Variants in SNTG1 observed in about 807,000 individuals in gnomAD.
The protein encoded by SNTG1 is gamma-1-syntrophin.
In SNTG1, 39 loss-of-function variants were observed where a neutral mutation model predicts 74.7. That is an observed-to-expected ratio of 0.52 (90% confidence interval 0.40 to 0.68). The LOEUF is 0.68. Ranked by LOEUF, SNTG1 falls within the 30% of genes least tolerant of loss-of-function variation. The pLI, the probability that SNTG1 is intolerant of heterozygous loss-of-function variation, is 0.00. For missense variants in SNTG1, 685 were observed against 609.5 expected (o/e 1.12, Z -1.30); for synonymous variants, 254 against 217.1 (o/e 1.17, Z -1.49).
At chr8:50,561,766 AT>A (rs1366656658) in intron 12 of SNTG1, among the ~76,000 whole-genome samples, 61 of 152,330 alleles carry the variant, frequency 4.0e-4, no homozygotes, top group Non-Finnish European at 4.3e-4. Flanking sequence ...CTCAGCCTTT[AT>A]TTTAACCTAT....
intron 1 of SNTG1, among the ~76,000 whole-genome samples, chr8:50,041,529 A>G (rs1818638852): frequency 6.6e-6 from 1 of 152,134 alleles, no homozygotes; most frequent in Non-Finnish European, 1.5e-5. Flanking sequence ...ATTAAACGGA[A>G]TTGAGCTCAG....
rs116340218 is a variant in SNTG1 at position 50,630,265 on chromosome 8, G to A, written c.850-26644G>A. Among the ~76,000 whole-genome samples, 1,046 of 152,196 alleles carry A rather than the reference G, an allele frequency of 6.9e-3. 11 individuals carry two copies. Among genetic ancestry groups the A allele is most frequent in the African/African-American group, 0.024 (1,008 of 41,532 alleles). On this transcript the variant is annotated intron_variant, in intron 13 of 18. Coordinates refer to ENST00000642720, the MANE Select transcript of SNTG1 (RefSeq NM_018967.5). ...CATGCATTTACTCTGCTTTCAAAGA[G>A]AGAAAGAGAAAGAAAGAGAGAAAAA...
chr8:50,496,837 G>C (rs535321779), intron 8 of SNTG1, among the ~76,000 whole-genome samples: 1 of 151,938 alleles, frequency 6.6e-6, no homozygotes, highest in Admixed American at 6.6e-5. Flanking sequence ...GTGAGTGAAA[G>C]TAAAAAGGAC....
At chr8:50,785,782 C>A (rs1398600445) in intron 18 of SNTG1, among the ~76,000 whole-genome samples, 1 of 151,918 alleles carries the variant, frequency 6.6e-6, no homozygotes, top group Non-Finnish European at 1.5e-5. Context: ...GCTTGCAAAC[C>A]AAATCCAGCA....
intron 5 of SNTG1, among the ~76,000 whole-genome samples, chr8:50,440,205 A>C (rs1210503825): frequency 3.9e-5 from 6 of 152,024 alleles, no homozygotes; most frequent in Admixed American, 2.6e-4. Context: ...TAGAGTTAAC[A>C]AAAAAGAACT....
intron 15 of SNTG1, among the ~76,000 whole-genome samples, chr8:50,669,354 G>A: frequency 6.6e-6 from 1 of 151,960 alleles, no homozygotes. Context: ...AATGATAAAG[G>A]GGATATCACC....
chr8:50,785,405 C>T (rs780755690), intron 18 of SNTG1, among the ~76,000 whole-genome samples: 2 of 151,824 alleles, frequency 1.3e-5, no homozygotes, highest in African/African-American at 2.4e-5. Context: ...AATTGCTAAA[C>T]ATTTACATAA....
chr8:49,974,981 C>A (rs1247596802), intron 1 of SNTG1, among the ~76,000 whole-genome samples: 1 of 151,926 alleles, frequency 6.6e-6, no homozygotes, highest in Non-Finnish European at 1.5e-5. Flanking sequence ...ATGGAGAGTG[C>A]ACAGGTCCAG....
At chr8:50,680,944 G>A (rs1400701645) in intron 15 of SNTG1, among the ~76,000 whole-genome samples, 1 of 152,108 alleles carries the variant, frequency 6.6e-6, no homozygotes, top group Non-Finnish European at 1.5e-5. Flanking sequence ...AAAACACAAT[G>A]TAAATAAAAC....
intron 1 of SNTG1, among the ~76,000 whole-genome samples, chr8:50,055,491 C>T (rs2130904132): frequency 1.3e-5 from 2 of 152,210 alleles, no homozygotes; most frequent in East Asian, 3.9e-4. Flanking sequence ...TCTCATGAGG[C>T]TCCATGGTGC....
rs906319373 is a variant in SNTG1 at position 50,091,824 on chromosome 8, AT to A, written c.-102-80728del. Among the ~76,000 whole-genome samples the A allele has an allele frequency of 5.5e-3, 828 of 151,648 alleles. 13 individuals are homozygous for A. Among genetic ancestry groups the A allele is most frequent in the African/African-American group, 0.018 (729 of 41,364 alleles). On this transcript the variant is annotated intron_variant, in intron 1 of 18. Coordinates refer to ENST00000642720, the MANE Select transcript of SNTG1 (RefSeq NM_018967.5). ...ACAGATAAAAAACTTTTTAAATTTA[AT>A]TTTTTTTTCTCCTATTTGATGGTCT...
chr8:50,068,341 G>A lies in SNTG1; in HGVS notation c.-102-104220G>A, dbSNP rs76089760. Among the ~76,000 whole-genome samples the A allele has an allele frequency of 9.8e-3, 1,499 of 152,206 alleles. 14 individuals are homozygous for A. The highest frequency in any genetic ancestry group is 0.015 in the Non-Finnish European group (1,034 of 68,010). ...TTAATTGTAGCTTTTCTTGCCACCGGACTTGTACTTTCTTCTCTTCCTCAG... is the reference window on the plus strand; with the variant it reads ...TTAATTGTAGCTTTTCTTGCCACCGAACTTGTACTTTCTTCTCTTCCTCAG... On this transcript the variant is annotated intron_variant, in intron 1 of 18. Transcript: ENST00000642720.
chr8:50,686,501 T>C (rs985706398), intron 15 of SNTG1, among the ~76,000 whole-genome samples: 13 of 152,174 alleles, frequency 8.5e-5, no homozygotes, highest in African/African-American at 3.1e-4. Flanking sequence ...AAATTTAAAC[T>C]TGTATTCTCC....
At position 50,545,107 on chromosome 8, in the gene SNTG1, A is replaced by T. The variant is rs77279677; in HGVS notation, c.681-7943A>T. Among the ~76,000 whole-genome samples the T allele has an allele frequency of 9.1e-3, 1,384 of 152,046 alleles. 22 individuals are homozygous for T. Among genetic ancestry groups the T allele is most frequent in the African/African-American group, 0.032 (1,339 of 41,512 alleles). ...TTATTTAGCTTGGCTCAAATGTAGGATATTATTTCTTGGTTGCTTTTTTTC... is the reference window on the plus strand; with the variant it reads ...TTATTTAGCTTGGCTCAAATGTAGGTTATTATTTCTTGGTTGCTTTTTTTC... On this transcript the variant is annotated intron_variant, in intron 11 of 18. Transcript: ENST00000642720.
At chr8:50,332,184 T>C (rs890150386) in intron 2 of SNTG1, among the ~76,000 whole-genome samples, 1 of 152,234 alleles carries the variant, frequency 6.6e-6, no homozygotes, top group Non-Finnish European at 1.5e-5. Flanking sequence ...TCTATTCAAA[T>C]GAGCTACCAT....
chr8:50,265,130 G>A (rs1400834553), intron 2 of SNTG1, among the ~76,000 whole-genome samples: 1 of 152,016 alleles, frequency 6.6e-6, no homozygotes, highest in Non-Finnish European at 1.5e-5. Flanking sequence ...AACTCATTCT[G>A]TGAGGTTATT....
At chr8:50,529,306 C>T (rs1166387125) in intron 9 of SNTG1, among the ~76,000 whole-genome samples, 1 of 151,810 alleles carries the variant, frequency 6.6e-6, no homozygotes, top group Non-Finnish European at 1.5e-5. Flanking sequence ...CTATATTTCC[C>T]ATCTTAGTTC....
rs574690831 is a variant in SNTG1 at position 50,308,910 on chromosome 8, A to T, written c.-27-85302A>T. Among the ~76,000 whole-genome samples, 10 of 150,688 alleles carry T rather than the reference A, an allele frequency of 6.6e-5. No individual in the cohort carries two copies. In the South Asian group the frequency reaches 1.1e-3, roughly 16 times the overall value. ...TACAAATGATGTTTTGTTTTTTTTT[A>T]AATGTTTCTATTCATAAACTAGATT... On this transcript the variant is annotated intron_variant, in intron 2 of 18. Coordinates refer to ENST00000642720, the MANE Select transcript of SNTG1 (RefSeq NM_018967.5).
intron 15 of SNTG1, among the ~76,000 whole-genome samples, chr8:50,676,588 C>A (rs1266639266): frequency 6.6e-6 from 1 of 151,804 alleles, no homozygotes; most frequent in African/African-American, 2.4e-5. Context: ...TCCTTTAGCT[C>A]AACATACCGT....
Sources: allele counts gnomAD v4.1 joint callset (sites outside exome capture counted in the v4.1 genomes callset), GRCh38; gene constraint gnomAD v4.1.1; transcripts MANE v1.5; gene names NCBI Gene and HGNC (gene_info 2026-07-23, HGNC 2026-07-21).